ACSM2B: variants seen among roughly 807,000 people sequenced by gnomAD.
The protein encoded by ACSM2B is acyl-coenzyme A synthetase ACSM2B, mitochondrial.
Under a neutral mutation model 78.6 loss-of-function variants are expected in ACSM2B, and 58 were observed. That is an observed-to-expected ratio of 0.74 (90% CI 0.60 to 0.92). The LOEUF is 0.92. Among genes scored for constraint, ACSM2B ranks in the 40% least tolerant of loss-of-function variants. The probability of loss-of-function intolerance (pLI) is 0.00; values close to 1 mark genes in which losing one functional copy is unlikely to be tolerated. For missense variants in ACSM2B, 688 were observed against 711.2 expected, an observed-to-expected ratio of 0.97 and a Z score of 0.37; for synonymous variants, 257 against 256.8, an observed-to-expected ratio of 1.00 and a Z score of -0.01.
intron 12 of ACSM2B, chr16:20,542,021 T>A (rs1324620655): frequency 5.9e-5 from 9 of 152,138 alleles, no homozygotes; most frequent in Admixed American, 2.0e-4. Context: ...GACATTTTGT[T>A]ACACGCAAAT....
In ACSM2B at chr16:20,540,250, GT is replaced by G. The variant is rs71377664; in HGVS notation, c.1629+403del. On this transcript the variant is annotated intron_variant, in intron 13 of 13. Coordinates refer to ENST00000329697, the MANE Select transcript of ACSM2B (RefSeq NM_001105069.2). ...TTTTTTTTTTTTGTTTGTTTGTTTG[GT>G]TTTTTTTTTGAGACAGGGTCTCACT... Among the ~76,000 whole-genome samples the G allele has an allele frequency of 1.1e-3, 157 of 143,498 alleles. 1 individual carries two copies. Among genetic ancestry groups the G allele is most frequent in the Middle Eastern group, 7.1e-3 (2 of 280 alleles). The allele number at this position is 143,498 out of a possible 152,430, so 94.1% of individuals were successfully genotyped here. A position where few individuals can be genotyped will look rare whatever the true frequency, so the allele number is the denominator to read the frequency against.
Position 20,536,522 on chromosome 16 carries a change from A to C in ACSM2B, c.*736T>G, listed in dbSNP as rs1304018942. On this transcript the variant is annotated 3_prime_UTR_variant, in exon 14 of 14. Coordinates refer to ENST00000329697, the MANE Select transcript of ACSM2B (RefSeq NM_001105069.2). ...CAAGGTTTGGAGTGACTTGCGGATGATTCTAATGTCCCAGCCCCACACACA... is the reference window on the plus strand; with the variant it reads ...CAAGGTTTGGAGTGACTTGCGGATGCTTCTAATGTCCCAGCCCCACACACA... The C allele has an allele frequency of 2.0e-5, 3 of 152,110 alleles. No individual in the cohort carries two copies. Among genetic ancestry groups the C allele is most frequent in the African/African-American group, 7.2e-5 (3 of 41,414 alleles). 9.4% of individuals were successfully genotyped at this position (152,110 alleles called of 1,614,324 possible).
Position 20,559,437 on chromosome 16 carries a change from C to G in ACSM2B, c.188G>C (p.Arg63Pro), listed in dbSNP as rs757950871. The G allele has an allele frequency of 6.2e-7, 1 of 1,612,616 alleles. No individual in the cohort carries two copies. Among genetic ancestry groups the G allele is most frequent in the African/African-American group, 1.3e-5 (1 of 74,708 alleles). The change falls in exon 3 of 14, where the codon CGA becomes CCA. Residue 63 changes from arginine to proline, a missense_variant. Transcript: ENST00000329697. ...HWADMEKAGK[R>P]LPSPALWWVN... ...CCACCACAGGGCTGGGCTTGGGAGT[C>G]GCTTGCCAGCCTGAGGAAAGAGAAA...
At chr16:20,537,648 G>A (rs1243932447) in intron 13 of ACSM2B, among the ~76,000 whole-genome samples, 1 of 152,178 alleles carries the variant, frequency 6.6e-6, no homozygotes, top group South Asian at 2.1e-4. Flanking sequence ...CAGACTCTCT[G>A]GACCCCAGCT....
intron 12 of ACSM2B, chr16:20,541,702 A>ATTTTTTT (rs2014997350): frequency 1.5e-5 from 1 of 66,096 alleles, no homozygotes; most frequent in Non-Finnish European, 2.8e-5. Context: ...TTTTTTTTTG[A>ATTTTTTT]GACAGAGTCT....
intron 3 of ACSM2B, among the ~76,000 whole-genome samples, chr16:20,557,443 T>G (rs199567032): frequency 0.18 from 27,732 of 152,010 alleles, 3,563 homozygotes; most frequent in East Asian, 0.69. Flanking sequence ...TATCTCCATC[T>G]CTACTACCTC....
intron 9 of ACSM2B, 144 bp downstream of exon 9, chr16:20,546,249 CT>C (rs1406199646): frequency 1.4e-5 from 20 of 1,408,940 alleles, no homozygotes; most frequent in Admixed American, 2.7e-5. Context: ...CTCCTTCCCC[CT>C]AACCTCCCTC....
At chr16:20,547,311 T>C (rs2015171158) in intron 8 of ACSM2B, 8 of 985,384 alleles carry the variant, frequency 8.1e-6, no homozygotes, top group Non-Finnish European at 9.6e-6. Context: ...TTGTCCTTAT[T>C]CATATTTGCA....
intron 3 of ACSM2B, among the ~76,000 whole-genome samples, chr16:20,558,248 C>T (rs556326314): frequency 6.1e-4 from 92 of 151,888 alleles, no homozygotes; most frequent in African/African-American, 1.9e-3. Flanking sequence ...CTAACTCAAC[C>T]AGTTCTGTGA....
At chr16:20,538,598 A>G (rs2014905889) in intron 13 of ACSM2B, among the ~76,000 whole-genome samples, 1 of 152,140 alleles carries the variant, frequency 6.6e-6, no homozygotes. Flanking sequence ...GGGTGCAAAT[A>G]ATCTGCTGCC....
chr16:20,549,225 ATAGAG>A (rs1400357967), intron 6 of ACSM2B, among the ~76,000 whole-genome samples: 2 of 152,174 alleles, frequency 1.3e-5, no homozygotes, highest in African/African-American at 4.8e-5. Flanking sequence ...GCAGAATGTA[ATAGAG>A]TATTGTCTTA....
At chr16:20,540,866 C>G in intron 12 of ACSM2B, 93 bp from the exon 13 acceptor site, 1 of 1,508,258 alleles carries the variant, frequency 6.6e-7, no homozygotes, top group Non-Finnish European at 9.0e-7. Flanking sequence ...TTGCATCACC[C>G]TTGTATCTAC....
rs541533792 is a variant in ACSM2B, at chr16:20,563,836, A to C, written c.177+833T>G. Among the ~76,000 whole-genome samples the C allele has an allele frequency of 5.9e-5, 9 of 152,136 alleles. No homozygotes were observed. The South Asian group carries it at 1.9e-3, about 32-fold the overall frequency. On this transcript the variant is annotated intron_variant, in intron 2 of 13. Transcript: ENST00000329697. The stretch of plus-strand genomic sequence containing the variant: ...TAGCTCCACCCCTTCCCCTACCCCT[A>C]GCCAGAATGAATCCTTCCATCCTAC...
intron 13 of ACSM2B, 80 bp from the exon 14 acceptor site, chr16:20,537,442 G>A (rs2014875237): frequency 1.3e-6 from 2 of 1,522,520 alleles, no homozygotes; most frequent in South Asian, 2.3e-5. Context: ...TGTAGGGTGA[G>A]GGGAAGTTCT....
chr16:20,560,927 A>G (rs997523724), intron 2 of ACSM2B, among the ~76,000 whole-genome samples: 23 of 152,236 alleles, frequency 1.5e-4, no homozygotes, highest in African/African-American at 4.6e-4. Context: ...TTAGCAAAGA[A>G]CTTGGCTGCA....
intron 1 of ACSM2B, among the ~76,000 whole-genome samples, chr16:20,566,900 A>T (rs1470770223): frequency 7.7e-6 from 1 of 129,282 alleles, no homozygotes; most frequent in Non-Finnish European, 1.6e-5. Flanking sequence ...GATACACATT[A>T]TATATAATAG....
At chr16:20,542,160 A>G (rs2015011702) in intron 12 of ACSM2B, 1 of 150,974 alleles carries the variant, frequency 6.6e-6, no homozygotes, top group Non-Finnish European at 1.5e-5. Context: ...GTTGTTAACT[A>G]TAGTCACCCT....
chr16:20,540,748 G>A lies in ACSM2B; in HGVS notation c.1535C>T (p.Ala512Val). Reference protein sequence around the residue: ...GEVVKAFVILASQFLSHDPEQ... With the variant: ...GEVVKAFVILVSQFLSHDPEQ... ...TGGGTCATGGGATAGGAACTGCGAG[G>A]CCAGGATCACAAATGCCTTCACCAC... is the stretch of plus-strand genomic sequence containing the variant. Residue 512 changes from alanine to valine, a missense_variant, in exon 13 of 14, where the codon GCC (alanine) becomes GTC (valine). By Grantham distance (64) the Ala-to-Val change is moderately conservative. Transcript: ENST00000329697. 6.2e-7 allele frequency: 1 copy of A among 1,614,050 alleles called. No individual in the cohort carries two copies. Among genetic ancestry groups the A allele is most frequent in the Non-Finnish European group, 8.5e-7 (1 of 1,179,974 alleles).
Position 20,559,427 on chromosome 16 carries a change from G to T in ACSM2B, c.198C>A (p.Ser66Arg). 2 of 1,612,986 alleles carry T rather than the reference G, an allele frequency of 1.2e-6. No individual in the cohort carries two copies. Among genetic ancestry groups the T allele is most frequent in the East Asian group, 4.5e-5 (2 of 44,878 alleles). ...DMEKAGKRLP[S>R]PALWWVNGKG... ...TCCCATTCACCCACCACAGGGCTGG[G>T]CTTGGGAGTCGCTTGCCAGCCTGAG... Residue 66 changes from serine to arginine, a missense_variant, in exon 3 of 14, where the codon AGC (serine) becomes AGA (arginine). Ser to Arg is a moderately radical substitution (Grantham distance 110). Transcript: ENST00000329697.
Sources: gnomAD v4.1 joint callset for allele counts (sites outside exome capture counted in the v4.1 genomes callset) on GRCh38, gnomAD v4.1.1 for gene constraint, MANE v1.5 for transcripts, NCBI Gene and HGNC (gene_info 2026-07-23, HGNC 2026-07-21) for gene names.